CERS6: variants seen among roughly 807,000 people sequenced by gnomAD.
CERS6 encodes the protein ceramide synthase 6.
In CERS6, 26 loss-of-function variants were observed where a neutral mutation model predicts 56.8. The observed-to-expected ratio is 0.46, with a 90% CI of 0.34 to 0.63. The LOEUF (loss-of-function observed/expected upper bound fraction) is 0.63. CERS6 is among the 30% of genes least tolerant of loss of function. The probability of loss-of-function intolerance (pLI) is 0.01; values close to 1 mark genes in which losing one functional copy is unlikely to be tolerated. For missense variants in CERS6, 415 were observed against 467.5 expected, an observed-to-expected ratio of 0.89 and a Z score of 1.04; for synonymous variants, 164 against 173.3, an observed-to-expected ratio of 0.95 and a Z score of 0.42.
chr2:168,549,175 G>A (rs189787067), intron 2 of CERS6, among the ~76,000 whole-genome samples: 9 of 148,128 alleles, frequency 6.1e-5, no homozygotes, highest in Admixed American at 6.1e-4. Context: ...AAAATGAGGT[G>A]TTTTTTTTTT....
At chr2:168,490,584 A>G (rs569151013) in intron 1 of CERS6, among the ~76,000 whole-genome samples, 2 of 152,190 alleles carry the variant, frequency 1.3e-5, no homozygotes, top group Non-Finnish European at 2.9e-5. Context: ...GCTGTTGAGT[A>G]TCGAGCACAT....
intron 1 of CERS6, among the ~76,000 whole-genome samples, chr2:168,533,601 T>C (rs1304999783): frequency 6.6e-6 from 1 of 152,142 alleles, no homozygotes; most frequent in Non-Finnish European, 1.5e-5. Context: ...GTGGTGAGCT[T>C]CCCTTTATAT....
At chr2:168,596,342 G>T (rs552549373) in intron 3 of CERS6, among the ~76,000 whole-genome samples, 137 of 151,988 alleles carry the variant, frequency 9.0e-4, no homozygotes, top group African/African-American at 3.1e-3. Flanking sequence ...GCGGGGGATT[G>T]GGGGGAGGGG....
At chr2:168,679,637 A>G (rs968915836) in intron 4 of CERS6, among the ~76,000 whole-genome samples, 1 of 152,154 alleles carries the variant, frequency 6.6e-6, no homozygotes, top group Non-Finnish European at 1.5e-5. Flanking sequence ...GTTCAGGGAG[A>G]TTAGTACCTC....
At chr2:168,506,071 T>A (rs1694671957) in intron 1 of CERS6, among the ~76,000 whole-genome samples, 1 of 152,176 alleles carries the variant, frequency 6.6e-6, no homozygotes, top group Non-Finnish European at 1.5e-5. Flanking sequence ...TTTTCTATTC[T>A]TTTTGAGAGG....
At chr2:168,506,745 A>G (rs1221131594) in intron 1 of CERS6, among the ~76,000 whole-genome samples, 1 of 152,186 alleles carries the variant, frequency 6.6e-6, no homozygotes, top group Non-Finnish European at 1.5e-5. Flanking sequence ...TTTCACAAGC[A>G]GTAAAGCATT....
intron 1 of CERS6, among the ~76,000 whole-genome samples, chr2:168,472,370 G>C (rs1693992731): frequency 6.6e-6 from 1 of 152,160 alleles, no homozygotes; most frequent in Admixed American, 6.6e-5. Context: ...ACCGTTTGCA[G>C]TATGAAGAGG....
chr2:168,507,084 CT>C (rs1227200928), intron 1 of CERS6, among the ~76,000 whole-genome samples: 2 of 151,868 alleles, frequency 1.3e-5, no homozygotes, highest in African/African-American at 4.8e-5. Flanking sequence ...TAGTCTGCTC[CT>C]TAACCTTATG....
At chr2:168,541,723 C>T (rs1695376530) in intron 1 of CERS6, among the ~76,000 whole-genome samples, 1 of 152,196 alleles carries the variant, frequency 6.6e-6, no homozygotes, top group Non-Finnish European at 1.5e-5. Flanking sequence ...TTGCAGTGGA[C>T]AGTGGCTTTA....
intron 1 of CERS6, among the ~76,000 whole-genome samples, chr2:168,508,970 TA>T (rs1694730045): frequency 6.6e-6 from 1 of 152,226 alleles, no homozygotes; most frequent in Non-Finnish European, 1.5e-5. Context: ...TTATGTCTCT[TA>T]TCTATCTTGA....
At chr2:168,696,853 C>T (rs1234355596) in intron 6 of CERS6, among the ~76,000 whole-genome samples, 2 of 152,192 alleles carry the variant, frequency 1.3e-5, no homozygotes, top group Admixed American at 6.5e-5. Context: ...ATTTAGTCCC[C>T]AGCAAGCAAG....
chr2:168,698,643 G>A (rs2105370079), intron 6 of CERS6, among the ~76,000 whole-genome samples: 1 of 152,272 alleles, frequency 6.6e-6, no homozygotes, highest in South Asian at 2.1e-4. Flanking sequence ...AGATTTGGGA[G>A]GGGACACAGA....
At chr2:168,602,183 T>C (rs1683949950) in intron 3 of CERS6, among the ~76,000 whole-genome samples, 1 of 152,230 alleles carries the variant, frequency 6.6e-6, no homozygotes, top group Admixed American at 6.5e-5. Flanking sequence ...TTTCTCTTTC[T>C]CTCTTTTAGA....
chr2:168,627,633 T>G (rs1226882029), intron 3 of CERS6, among the ~76,000 whole-genome samples: 2 of 258 alleles, frequency 7.8e-3, no homozygotes, highest in East Asian at 0.067. Flanking sequence ...ACACTGAAGT[T>G]TTTTTTTTTT....
At chr2:168,558,334 C>T (rs1298272635) in intron 2 of CERS6, among the ~76,000 whole-genome samples, 1 of 152,100 alleles carries the variant, frequency 6.6e-6, no homozygotes, top group African/African-American at 2.4e-5. Flanking sequence ...ATAGAACAAG[C>T]TCAGAAGCTG....
chr2:168,719,041 C>G (rs1040547083), intron 8 of CERS6, among the ~76,000 whole-genome samples: 3 of 152,196 alleles, frequency 2.0e-5, no homozygotes, highest in African/African-American at 7.2e-5. Context: ...TTGCCTTTTC[C>G]ATATTGTTTA....
chr2:168,518,383 CA>C (rs928457902), intron 1 of CERS6, among the ~76,000 whole-genome samples: 1 of 152,174 alleles, frequency 6.6e-6, no homozygotes, highest in Admixed American at 6.5e-5. Flanking sequence ...GCACTTCACC[CA>C]AGCATAGGAA....
chr2:168,715,264 T>G, intron 7 of CERS6, 135 bp downstream of exon 7: 1 of 608,214 alleles, frequency 1.6e-6, no homozygotes, highest in African/African-American at 1.9e-5. Context: ...TGCAGAGTGT[T>G]TCTTTGTAGG....
At chr2:168,558,225 A>G (rs1695718047) in intron 2 of CERS6, among the ~76,000 whole-genome samples, 1 of 152,180 alleles carries the variant, frequency 6.6e-6, no homozygotes, top group Non-Finnish European at 1.5e-5. Context: ...TATATTACAA[A>G]TGCATAGACC....
Sources: gnomAD v4.1 joint callset for allele counts (sites outside exome capture counted in the v4.1 genomes callset) on GRCh38, gnomAD v4.1.1 for gene constraint, MANE v1.5 for transcripts, NCBI Gene and HGNC (gene_info 2026-07-23, HGNC 2026-07-21) for gene names.